Variants in PRKN observed in about 807,000 individuals in gnomAD.
The protein encoded by PRKN is E3 ubiquitin-protein ligase parkin.
In PRKN, 56 loss-of-function variants were observed where a neutral mutation model predicts 59.5. The ratio of observed to expected loss-of-function variants is 0.94; its 90% CI spans 0.76 to 1.18. The LOEUF (loss-of-function observed/expected upper bound fraction) is 1.18. Among genes scored for constraint, PRKN ranks in the 50% most tolerant of loss-of-function variants. The probability of loss-of-function intolerance (pLI) is 0.00; values close to 1 mark genes in which losing one functional copy is unlikely to be tolerated. For missense variants in PRKN, 657 were observed against 596.4 expected (o/e 1.10, Z -1.06); for synonymous variants, 250 against 222.1 (o/e 1.13, Z -1.12).
intron 3 of PRKN, among the ~76,000 whole-genome samples, chr6:162,257,654 A>C (rs1004350789): frequency 2.0e-5 from 3 of 152,120 alleles, no homozygotes; most frequent in Non-Finnish European, 2.9e-5. Flanking sequence ...GCAAGGAATT[A>C]AAAGAGGTAT....
chr6:162,579,144 T>C (rs1034071769), intron 1 of PRKN, among the ~76,000 whole-genome samples: 1 of 152,214 alleles, frequency 6.6e-6, no homozygotes, highest in African/African-American at 2.4e-5. Context: ...TCAAAGCCTG[T>C]CATTGCCATG....
At chr6:162,468,933 A>ATAGG (rs199677261) in intron 1 of PRKN, among the ~76,000 whole-genome samples, 153 of 152,314 alleles carry the variant, frequency 1.0e-3, no homozygotes, top group African/African-American at 3.5e-3. Context: ...CCAAGAGATG[A>ATAGG]TAGGTATCTC....
intron 3 of PRKN, among the ~76,000 whole-genome samples, chr6:162,252,824 T>C (rs544277217): frequency 1.3e-5 from 2 of 152,372 alleles, no homozygotes; most frequent in Admixed American, 6.5e-5. Context: ...ACACCCACAA[T>C]TGGGAATCTT....
At position 162,077,036 on chromosome 6, in the gene PRKN, G is replaced by A. The variant is rs370358488; in HGVS notation, c.535-22862C>T. On this transcript the variant is annotated intron_variant, in intron 4 of 11. Transcript: ENST00000366898. ...TGATGAGTGTGTCACTTCAGTCAGA[G>A]GGAAGAGAGTGGGCAGGCTGTTGGG... 5.7e-4 allele frequency among the ~76,000 whole-genome samples: 87 copies of A among 152,174 alleles called. 1 individual carries two copies. In the South Asian group the frequency reaches 0.014, roughly 24 times the overall value.
chr6:162,493,737 T>C (rs957644236), intron 1 of PRKN, among the ~76,000 whole-genome samples: 2 of 152,108 alleles, frequency 1.3e-5, no homozygotes, highest in Admixed American at 1.3e-4. Flanking sequence ...GACCACTCCT[T>C]CCATAAGGAA....
chr6:162,130,406 G>A (rs1292593340), intron 4 of PRKN, among the ~76,000 whole-genome samples: 3 of 151,572 alleles, frequency 2.0e-5, no homozygotes, highest in Admixed American at 6.6e-5. Context: ...ACACACACAC[G>A]GACACGTAAT....
chr6:161,681,650 T>A (rs1161220430), intron 7 of PRKN, among the ~76,000 whole-genome samples: 3 of 152,196 alleles, frequency 2.0e-5, no homozygotes, highest in Non-Finnish European at 4.4e-5. Context: ...CTCCTGGTTC[T>A]GATGGGCAGC....
At chr6:161,796,969 T>G (rs911090387) in intron 6 of PRKN, among the ~76,000 whole-genome samples, 3 of 152,256 alleles carry the variant, frequency 2.0e-5, no homozygotes, top group Non-Finnish European at 4.4e-5. Context: ...AAGACAGATC[T>G]TGTTTGGATA....
chr6:161,703,692 C>A (rs2128179745), intron 7 of PRKN, among the ~76,000 whole-genome samples: 2 of 152,236 alleles, frequency 1.3e-5, no homozygotes, highest in East Asian at 1.9e-4. Context: ...CCAATCCATT[C>A]TCTCAATCCT....
At chr6:162,190,471 A>AAGAATCTG (rs1220458193) in intron 4 of PRKN, among the ~76,000 whole-genome samples, 1 of 152,234 alleles carries the variant, frequency 6.6e-6, no homozygotes, top group Non-Finnish European at 1.5e-5. Context: ...TGCTTTCAGC[A>AAGAATCTG]AGAATCTGAG....
chr6:162,579,583 A>ACGTGCAC (rs1780701327), intron 1 of PRKN, among the ~76,000 whole-genome samples: 1 of 151,964 alleles, frequency 6.6e-6, no homozygotes, highest in Non-Finnish European at 1.5e-5. Context: ...TTACATACAC[A>ACGTGCAC]AGTTCACACG....
intron 10 of PRKN, among the ~76,000 whole-genome samples, chr6:161,365,864 G>A (rs1468399289): frequency 2.0e-5 from 3 of 152,186 alleles, no homozygotes; most frequent in Non-Finnish European, 2.9e-5. Context: ...CTGAGCTACT[G>A]GATGGGCCAG....
rs774918755 is a variant in PRKN at position 161,459,958 on chromosome 6, CTATT to C, written c.1084-73085_1084-73082del. On this transcript the variant is annotated intron_variant, in intron 9 of 11. Coordinates refer to ENST00000366898, the MANE Select transcript of PRKN (RefSeq NM_004562.3). This position sits in a 1 kb window ranked among gnomAD's most constrained non-coding sequence, Gnocchi z 4.8. ...GTTGATATTTTGTAAAAAAAAAAATCTATTTATCCATCAAATCACATATGCTTCT... is the reference window on the plus strand; with the variant it reads ...GTTGATATTTTGTAAAAAAAAAAATCTATCCATCAAATCACATATGCTTCT... Among the ~76,000 whole-genome samples the C allele has an allele frequency of 6.6e-5, 10 of 152,038 alleles. No homozygotes were observed. The highest frequency in any genetic ancestry group is 9.7e-5 in the African/African-American group (4 of 41,422).
At chr6:162,429,673 T>C (rs1371611281) in intron 2 of PRKN, among the ~76,000 whole-genome samples, 1 of 152,080 alleles carries the variant, frequency 6.6e-6, no homozygotes, top group East Asian at 1.9e-4. Flanking sequence ...ATCATATTCA[T>C]CTCTAGAACT....
chr6:162,532,354 G>A (rs540549023), intron 1 of PRKN, among the ~76,000 whole-genome samples: 137 of 152,364 alleles, frequency 9.0e-4, no homozygotes, highest in Non-Finnish European at 1.5e-3. Flanking sequence ...ACGGAGACGT[G>A]AGCACACATC....
chr6:162,478,782 C>T (rs1246982650), intron 1 of PRKN, among the ~76,000 whole-genome samples: 1 of 152,226 alleles, frequency 6.6e-6, no homozygotes, highest in East Asian at 1.9e-4. Flanking sequence ...TACTGAATGC[C>T]TTAGGCAACT....
At chr6:161,937,237 C>T (rs1779391971) in intron 6 of PRKN, among the ~76,000 whole-genome samples, 1 of 152,216 alleles carries the variant, frequency 6.6e-6, no homozygotes, top group African/African-American at 2.4e-5. Context: ...GTGTCTGGAT[C>T]TTGACAGAGA....
In PRKN at chr6:162,169,818, C is replaced by T. The variant is rs144986138; in HGVS notation, c.534+31313G>A. On this transcript the variant is annotated intron_variant, in intron 4 of 11. Coordinates refer to ENST00000366898, the MANE Select transcript of PRKN (RefSeq NM_004562.3). The stretch of plus-strand genomic sequence containing the variant: ...ATCCTTTTGATCTTCTATTTTACAT[C>T]AGGTAAAAGGTTTCAGGAGCTTCTC... 2.1e-3 allele frequency among the ~76,000 whole-genome samples: 326 copies of T among 152,276 alleles called. 1 individual carries two copies. The highest frequency in any genetic ancestry group is 7.5e-3 in the African/African-American group (311 of 41,566).
chr6:161,413,317 C>T lies in PRKN; in HGVS notation c.1084-26440G>A, dbSNP rs1368350797. On this transcript the variant is annotated intron_variant, in intron 9 of 11. Transcript: ENST00000366898. This position sits in a 1 kb window ranked among gnomAD's most constrained non-coding sequence, Gnocchi z 4.4. ...TTCCACTGCCAGGGTCCTGTCCTCCCTCCGCTTTCCCTTCACTTCCTGAGT... is the reference window on the plus strand; with the variant it reads ...TTCCACTGCCAGGGTCCTGTCCTCCTTCCGCTTTCCCTTCACTTCCTGAGT... Among the ~76,000 whole-genome samples, 2 of 152,058 alleles carry T rather than the reference C, an allele frequency of 1.3e-5. No individual in the cohort carries two copies. The highest frequency in any genetic ancestry group is 2.9e-5 in the Non-Finnish European group (2 of 68,028).
Sources: allele counts gnomAD v4.1 joint callset (sites outside exome capture counted in the v4.1 genomes callset), GRCh38; gene constraint gnomAD v4.1.1; non-coding constraint Gnocchi (gnomAD v3.1); transcripts MANE v1.5; gene names NCBI Gene and HGNC (gene_info 2026-07-23, HGNC 2026-07-21).